The following OR5A1 variants were observed in gnomAD, a reference collection of about 807,000 sequenced individuals.
OR5A1 encodes the protein olfactory receptor family 5 subfamily A member 1.
Under a neutral mutation model 6.7 loss-of-function variants are expected in OR5A1, and 6 were observed. That is an observed-to-expected ratio of 0.89 (90% confidence interval 0.49 to 1.76). OR5A1 has a LOEUF of 1.76. OR5A1 is among the 40% of genes most tolerant of loss of function. The pLI is 0.01. For missense variants in OR5A1, 378 were observed against 381.7 expected (o/e 0.99, Z 0.08); for synonymous variants, 170 against 155.0 (o/e 1.10, Z -0.72).
chr11:59,451,341 A>G lies in OR5A1; in HGVS notation c.*7225A>G, dbSNP rs1307464904. The G allele has an allele frequency of 6.6e-6, 1 of 151,796 alleles. No homozygotes were observed. The highest frequency in any genetic ancestry group is 1.5e-5 in the Non-Finnish European group (1 of 67,952). The allele number at this position is 151,796 out of a possible 1,614,324, so 9.4% of individuals were successfully genotyped here. Reference sequence around the variant, plus strand: ...TCCTCCCTCCTTGGCCTCCTAATATATTTATCTGATCAATAGTTGATTGAC... The same window carrying G: ...TCCTCCCTCCTTGGCCTCCTAATATGTTTATCTGATCAATAGTTGATTGAC... On this transcript the variant is annotated 3_prime_UTR_variant, in exon 2 of 2. Transcript: ENST00000641045.
chr11:59,443,780 C>G lies in OR5A1; in HGVS notation c.612C>G (p.Leu204=). The part of the protein sequence containing the change: ...DTFLSQVVNF[L]VVVTVGGTSF... ...TCCTCAGTCAAGTGGTGAATTTCCTCGTGGTGGTCACTGTCGGAGGAACAT... is the reference window on the plus strand; with the variant it reads ...TCCTCAGTCAAGTGGTGAATTTCCTGGTGGTGGTCACTGTCGGAGGAACAT... The change falls in exon 2 of 2, where the codon CTC becomes CTG. Residue 204 remains leucine (L), a synonymous_variant. Coordinates refer to ENST00000641045, the MANE Select transcript of OR5A1 (RefSeq NM_001004728.2). 1 of 1,614,110 alleles carries G rather than the reference C, an allele frequency of 6.2e-7. No homozygotes were observed. The highest frequency in any genetic ancestry group is 8.5e-7 in the Non-Finnish European group (1 of 1,180,000).
chr11:59,450,133 A>T lies in OR5A1; in HGVS notation c.*6017A>T, dbSNP rs2134542392. ...GCACAGTTTAAAATACTGGAACCTG[A>T]CTTCGAAGGCTGTGCTCTTTTGAAC... is the stretch of plus-strand genomic sequence containing the variant. On this transcript the variant is annotated 3_prime_UTR_variant, in exon 2 of 2. Coordinates refer to ENST00000641045, the MANE Select transcript of OR5A1 (RefSeq NM_001004728.2). The T allele has an allele frequency of 6.6e-6, 1 of 152,330 alleles. No individual in the cohort carries two copies. Among genetic ancestry groups the T allele is most frequent in the South Asian group, 2.1e-4 (1 of 4,824 alleles). 9.4% of individuals were successfully genotyped at this position (152,330 alleles called of 1,614,324 possible).
At position 59,444,120 on chromosome 11, in the gene OR5A1, A is replaced by C. The variant is rs1858520365; in HGVS notation, c.*4A>C. 6.3e-7 allele frequency: 1 copy of C among 1,587,850 alleles called. No individual in the cohort carries two copies. The highest frequency in any genetic ancestry group is 1.3e-5 in the African/African-American group (1 of 74,340). Reference sequence around the variant, plus strand: ...AAGGAAGAAAGTGTTTTCTTAGGTCATGCGTAGAAACTTATTTATCCAAAC... The same window carrying C: ...AAGGAAGAAAGTGTTTTCTTAGGTCCTGCGTAGAAACTTATTTATCCAAAC... On this transcript the variant is annotated 3_prime_UTR_variant, in exon 2 of 2. Transcript: ENST00000641045.
At position 59,449,401 on chromosome 11, in the gene OR5A1, T is replaced by C. The variant is rs1311742750; in HGVS notation, c.*5285T>C. On this transcript the variant is annotated 3_prime_UTR_variant, in exon 2 of 2. Transcript: ENST00000641045. ...AAATGTCCATTTGCAATTCTGGAAG[T>C]ATATGTCATCTTGAACTAGAAGCTT... 6.6e-6 allele frequency: 1 copy of C among 152,206 alleles called. No individual in the cohort carries two copies. The highest frequency in any genetic ancestry group is 2.4e-5 in the African/African-American group (1 of 41,452). 9.4% of individuals were successfully genotyped at this position (152,206 alleles called of 1,614,324 possible). A position where few individuals can be genotyped will look rare whatever the true frequency, so the allele number is the denominator to read the frequency against.
rs181205707 is a variant in OR5A1 at position 59,442,555 on chromosome 11, C to T, written c.-33-581C>T. Among the ~76,000 whole-genome samples the T allele has an allele frequency of 1.1e-4, 17 of 152,238 alleles. No homozygotes were observed. In the East Asian group the frequency reaches 2.5e-3, roughly 22 times the overall value. ...CATTAGTATATTTGGACCCAATATT[C>T]GACAATTAAGAGCATTTTTACATAT... On this transcript the variant is annotated intron_variant, in intron 1 of 1. Coordinates refer to ENST00000641045, the MANE Select transcript of OR5A1 (RefSeq NM_001004728.2).
At chr11:59,441,147 A>T (rs764957551) in intron 1 of OR5A1, among the ~76,000 whole-genome samples, 6 of 152,196 alleles carry the variant, frequency 3.9e-5, no homozygotes, top group Admixed American at 1.3e-4. Context: ...TGAGCAGAAA[A>T]ATTTGGCGCA....
At chr11:59,438,596 C>T (rs1023764987) in intron 1 of OR5A1, among the ~76,000 whole-genome samples, 9 of 152,116 alleles carry the variant, frequency 5.9e-5, no homozygotes, top group African/African-American at 1.9e-4. Flanking sequence ...CTACTGCTCC[C>T]GTGATGAGCT....
At chr11:59,439,055 C>G (rs1468332002) in intron 1 of OR5A1, among the ~76,000 whole-genome samples, 1 of 152,160 alleles carries the variant, frequency 6.6e-6, no homozygotes. Flanking sequence ...GGGGAAATCA[C>G]AGAACACCTC....
At position 59,451,147 on chromosome 11, in the gene OR5A1, C is replaced by T. The variant is rs1188210804; in HGVS notation, c.*7031C>T. On this transcript the variant is annotated 3_prime_UTR_variant, in exon 2 of 2. Transcript: ENST00000641045. ...TATGAAAGTGTCACTTTCCCCACATCTATGCCAACAGTGGACTTTTCAACA... is the reference window on the plus strand; with the variant it reads ...TATGAAAGTGTCACTTTCCCCACATTTATGCCAACAGTGGACTTTTCAACA... 1 of 152,316 alleles carries T rather than the reference C, an allele frequency of 6.6e-6. No homozygotes were observed. The highest frequency in any genetic ancestry group is 6.5e-5 in the Admixed American group (1 of 15,296). The allele number at this position is 152,316 out of a possible 1,614,324, so 9.4% of individuals were successfully genotyped here. A position where few individuals can be genotyped will look rare whatever the true frequency, so the allele number is the denominator to read the frequency against.
rs1008432675 is a variant in OR5A1 at position 59,447,731 on chromosome 11, G to C, written c.*3615G>C. On this transcript the variant is annotated 3_prime_UTR_variant, in exon 2 of 2. Coordinates refer to ENST00000641045, the MANE Select transcript of OR5A1 (RefSeq NM_001004728.2). ...TAAATCGACAGATAATGTTCTGTTG[G>C]AGGACATGGCTTTGATCTGGTCCTG... 6.6e-6 allele frequency: 1 copy of C among 152,196 alleles called. No individual in the cohort carries two copies. Among genetic ancestry groups the C allele is most frequent in the Non-Finnish European group, 1.5e-5 (1 of 68,070 alleles). 9.4% of individuals were successfully genotyped at this position (152,196 alleles called of 1,614,324 possible). A position where few individuals can be genotyped will look rare whatever the true frequency, so the allele number is the denominator to read the frequency against.
rs1171054922 is a variant in OR5A1 at position 59,445,138 on chromosome 11, C to G, written c.*1022C>G. The G allele has an allele frequency of 6.6e-6, 1 of 152,126 alleles. No homozygotes were observed. Among genetic ancestry groups the G allele is most frequent in the African/African-American group, 2.4e-5 (1 of 41,416 alleles). 9.4% of individuals were successfully genotyped at this position (152,126 alleles called of 1,614,324 possible). A position where few individuals can be genotyped will look rare whatever the true frequency, so the allele number is the denominator to read the frequency against. ...AGGTATTAAGCCCCACATCCGTTAG[C>G]TATTTATCCCGATGCTCTCCCTCCT... On this transcript the variant is annotated 3_prime_UTR_variant, in exon 2 of 2. Coordinates refer to ENST00000641045, the MANE Select transcript of OR5A1 (RefSeq NM_001004728.2).
intron 1 of OR5A1, among the ~76,000 whole-genome samples, chr11:59,441,941 TA>T (rs1441232552): frequency 7.2e-5 from 3 of 41,422 alleles, no homozygotes; most frequent in Non-Finnish European, 1.4e-4. Flanking sequence ...AGAGAGATGA[TA>T]GATAGATAGA....
chr11:59,437,043 T>C (rs1858424333), intron 1 of OR5A1, among the ~76,000 whole-genome samples: 1 of 152,190 alleles, frequency 6.6e-6, no homozygotes, highest in African/African-American at 2.4e-5. Flanking sequence ...TTAGAGCAAT[T>C]GTAGAGTCAC....
At chr11:59,441,784 T>A (rs1397941060) in intron 1 of OR5A1, among the ~76,000 whole-genome samples, 1 of 152,212 alleles carries the variant, frequency 6.6e-6, no homozygotes, top group East Asian at 1.9e-4. Context: ...GGATACTTTG[T>A]AACTTAGGTT....
At position 59,449,820 on chromosome 11, in the gene OR5A1, G is replaced by C. The variant is rs891089548; in HGVS notation, c.*5704G>C. The C allele has an allele frequency of 2.0e-5, 3 of 152,158 alleles. No individual in the cohort carries two copies. Among genetic ancestry groups the C allele is most frequent in the Non-Finnish European group, 2.9e-5 (2 of 68,030 alleles). 9.4% of individuals were successfully genotyped at this position (152,158 alleles called of 1,614,324 possible). A position where few individuals can be genotyped will look rare whatever the true frequency, so the allele number is the denominator to read the frequency against. ...GTTGGGGAACTACTGCACATCAGGAGTTGCAAATGGACACCCCTTTGTTCA... is the reference window on the plus strand; with the variant it reads ...GTTGGGGAACTACTGCACATCAGGACTTGCAAATGGACACCCCTTTGTTCA... On this transcript the variant is annotated 3_prime_UTR_variant, in exon 2 of 2. Transcript: ENST00000641045.
At position 59,445,026 on chromosome 11, in the gene OR5A1, T is replaced by TC. The variant is rs1408684548; in HGVS notation, c.*912dup. The TC allele has an allele frequency of 6.6e-6, 1 of 152,136 alleles. No homozygotes were observed. Among genetic ancestry groups the TC allele is most frequent in the African/African-American group, 2.4e-5 (1 of 41,416 alleles). The allele number at this position is 152,136 out of a possible 1,614,324, so 9.4% of individuals were successfully genotyped here. ...AATTTAATTTTATTTTATTTTAAGTTCCGGGATACATATGCAGGATGTGCA... is the reference window on the plus strand; with the variant it reads ...AATTTAATTTTATTTTATTTTAAGTTCCCGGGATACATATGCAGGATGTGCA... On this transcript the variant is annotated 3_prime_UTR_variant, in exon 2 of 2. Transcript: ENST00000641045.
rs751772698 is a variant in OR5A1 at position 59,449,748 on chromosome 11, G to A, written c.*5632G>A. 8 of 152,160 alleles carry A rather than the reference G, an allele frequency of 5.3e-5. No individual in the cohort carries two copies. Among genetic ancestry groups the A allele is most frequent in the Non-Finnish European group, 1.0e-4 (7 of 68,030 alleles). The allele number at this position is 152,160 out of a possible 1,614,324, so 9.4% of individuals were successfully genotyped here. A position where few individuals can be genotyped will look rare whatever the true frequency, so the allele number is the denominator to read the frequency against. ...CTTATACAGCAACATAAGTGAATAG[G>A]GGATGTAAGATGAGGCTGAAAATGG... On this transcript the variant is annotated 3_prime_UTR_variant, in exon 2 of 2. Coordinates refer to ENST00000641045, the MANE Select transcript of OR5A1 (RefSeq NM_001004728.2).
intron 1 of OR5A1, among the ~76,000 whole-genome samples, chr11:59,440,823 G>T (rs149320448): frequency 2.0e-5 from 3 of 152,176 alleles, no homozygotes. Context: ...AATATAGGAT[G>T]AAGCTTAAAG....
At chr11:59,437,515 A>G (rs1040053602) in intron 1 of OR5A1, among the ~76,000 whole-genome samples, 1 of 151,746 alleles carries the variant, frequency 6.6e-6, no homozygotes, top group Non-Finnish European at 1.5e-5. Flanking sequence ...TAGCTCATTT[A>G]TTTTCGGTAC....
Sources: gnomAD v4.1 joint callset for allele counts (sites outside exome capture counted in the v4.1 genomes callset) on GRCh38, gnomAD v4.1.1 for gene constraint, MANE v1.5 for transcripts, NCBI Gene and HGNC (gene_info 2026-07-23, HGNC 2026-07-21) for gene names.